TRPC1: variants seen among roughly 807,000 people sequenced by gnomAD.
TRPC1 encodes transient receptor potential cation channel subfamily C member 1.
Under a neutral mutation model 88.2 loss-of-function variants are expected in TRPC1, and 42 were observed. That is an observed-to-expected ratio of 0.48 (90% CI 0.37 to 0.62). The LOEUF is 0.62. Ranked by LOEUF, TRPC1 falls within the 20% of genes least tolerant of loss-of-function variation. The pLI is 0.00. For missense variants in TRPC1, 699 were observed against 957.3 expected, an observed-to-expected ratio of 0.73 and a Z score of 3.56; for synonymous variants, 288 against 331.8, an observed-to-expected ratio of 0.87 and a Z score of 1.43.
chr3:142,801,718 T>C (rs1936624467), intron 9 of TRPC1, among the ~76,000 whole-genome samples: 1 of 151,630 alleles, frequency 6.6e-6, no homozygotes, highest in Non-Finnish European at 1.5e-5. Context: ...ATTTTAGGAA[T>C]TGGTTTAGAA....
At chr3:142,759,529 T>A (rs1935105605) in intron 4 of TRPC1, among the ~76,000 whole-genome samples, 1 of 152,214 alleles carries the variant, frequency 6.6e-6, no homozygotes, top group Admixed American at 6.5e-5. Context: ...GGTTGATTTT[T>A]TCTTGTAAAT....
intron 2 of TRPC1, among the ~76,000 whole-genome samples, chr3:142,737,109 G>A (rs188478703): frequency 1.3e-5 from 2 of 152,140 alleles, no homozygotes; most frequent in East Asian, 3.9e-4. Flanking sequence ...ACAGGCATGT[G>A]TGTAAGTCTT....
chr3:142,804,393 G>A (rs770168515), intron 11 of TRPC1, 43 bp from the exon 12 acceptor site: 11 of 1,530,038 alleles, frequency 7.2e-6, no homozygotes, highest in Non-Finnish European at 8.0e-6. Context: ...ATTTGTGTGT[G>A]TATTAATATT....
intron 9 of TRPC1, among the ~76,000 whole-genome samples, chr3:142,796,727 G>C (rs1936464837): frequency 6.6e-6 from 1 of 152,130 alleles, no homozygotes; most frequent in Non-Finnish European, 1.5e-5. Flanking sequence ...ACAAAGTTAA[G>C]TGTAATAAAA....
chr3:142,750,292 C>T (rs752922643), intron 4 of TRPC1, among the ~76,000 whole-genome samples: 7 of 152,084 alleles, frequency 4.6e-5, no homozygotes, highest in African/African-American at 7.2e-5. Flanking sequence ...GACATTTATT[C>T]GGCCAACAAA....
intron 12 of TRPC1, 100 bp downstream of exon 12, chr3:142,804,730 G>A: frequency 8.8e-7 from 1 of 1,137,418 alleles, no homozygotes; most frequent in Non-Finnish European, 1.2e-6. Flanking sequence ...TAAGGGCTGT[G>A]ACTGTCTGAC....
In TRPC1 at chr3:142,806,961, A is replaced by G. The variant is rs570616015; in HGVS notation, c.*726A>G. On this transcript the variant is annotated 3_prime_UTR_variant, in exon 13 of 13. Coordinates refer to ENST00000476941, the MANE Select transcript of TRPC1 (RefSeq NM_001251845.2). ...CACATTTAAATTTTTATAGAATTAT[A>G]TAGTTTTTGAAAAATACAGTCAGTA... 21 of 152,178 alleles carry G rather than the reference A, an allele frequency of 1.4e-4. No homozygotes were observed. The highest frequency in any genetic ancestry group is 2.6e-4 in the Non-Finnish European group (18 of 67,982). 9.4% of individuals were successfully genotyped at this position (152,178 alleles called of 1,614,324 possible).
chr3:142,764,078 GC>G (rs886271334), intron 4 of TRPC1, among the ~76,000 whole-genome samples: 5 of 119,208 alleles, frequency 4.2e-5, no homozygotes, highest in African/African-American at 2.1e-4. Flanking sequence ...GGAAACAAAG[GC>G]AAAAAAAAAT....
chr3:142,759,794 C>A (rs1340205918), intron 4 of TRPC1, among the ~76,000 whole-genome samples: 2 of 152,106 alleles, frequency 1.3e-5, no homozygotes, highest in Non-Finnish European at 2.9e-5. Flanking sequence ...CCTAGGTTTT[C>A]TTCTAGGGTT....
chr3:142,803,559 A>G (rs1037303416), intron 10 of TRPC1, among the ~76,000 whole-genome samples: 6 of 152,022 alleles, frequency 3.9e-5, no homozygotes, highest in African/African-American at 1.4e-4. Flanking sequence ...CAAATCATAT[A>G]GGCTGCCTTG....
At chr3:142,737,402 TA>T (rs147225612) in intron 2 of TRPC1, among the ~76,000 whole-genome samples, 15 of 146,490 alleles carry the variant, frequency 1.0e-4, no homozygotes, top group Admixed American at 2.7e-4. Context: ...ATGTTTGGAG[TA>T]AAAAAAAAAG....
Position 142,743,489 on chromosome 3 carries a change from C to A in TRPC1, c.332C>A (p.Ala111Glu). 3 of 1,499,372 alleles carry A rather than the reference C, an allele frequency of 2.0e-6. No homozygotes were observed. Among genetic ancestry groups the A allele is most frequent in the Non-Finnish European group, 2.7e-6 (3 of 1,132,000 alleles). 92.9% of individuals were successfully genotyped at this position (1,499,372 alleles called of 1,614,324 possible). The change falls in exon 3 of 13, where the codon GCA becomes GAA. Residue 111 changes from alanine to glutamate, a missense_variant. Ala to Glu is a moderately radical substitution (Grantham distance 107, BLOSUM62 -1). Transcript: ENST00000476941. ...QLLLDYGCQSADALLVAIDSE... is the reference protein window; with the variant it reads ...QLLLDYGCQSEDALLVAIDSE... ...TAACTTTTTTTTTTTTTGAAGTCTG[C>A]AGATGCACTTTTGGTGGCAATCGAC...
intron 9 of TRPC1, among the ~76,000 whole-genome samples, chr3:142,794,160 C>T (rs1289923885): frequency 6.6e-6 from 1 of 152,104 alleles, no homozygotes; most frequent in African/African-American, 2.4e-5. Flanking sequence ...CATAGAAACA[C>T]TGGCTTAAAC....
Position 142,784,724 on chromosome 3 carries a change from C to T in TRPC1, c.981C>T (p.Cys327=). The change falls in exon 7 of 13, where the codon TGC becomes TGT. Residue 327 remains cysteine (C), a synonymous_variant. Coordinates refer to ENST00000476941, the MANE Select transcript of TRPC1 (RefSeq NM_001251845.2). ...NQKEFVSQSN[C]QQFLNTVWFG... ...TTCAGTTTGTCTCCCAGTCTAACTG[C>T]CAGCAGTTCCTGAACACTGTTTGGT... 6.2e-7 allele frequency: 1 copy of T among 1,611,670 alleles called. No individual in the cohort carries two copies. The highest frequency in any genetic ancestry group is 8.5e-7 in the Non-Finnish European group (1 of 1,178,594).
chr3:142,743,313 C>T (rs1021907035), intron 2 of TRPC1, among the ~76,000 whole-genome samples, 172 bp from the exon 3 acceptor site: 1 of 152,038 alleles, frequency 6.6e-6, no homozygotes, highest in Non-Finnish European at 1.5e-5. Flanking sequence ...CACAGAAGTA[C>T]TCCTAAGGCA....
At chr3:142,805,102 GAACA>G (rs549588783) in intron 12 of TRPC1, among the ~76,000 whole-genome samples, 15,589 of 144,634 alleles carry the variant, frequency 0.11, 981 homozygotes, top group Non-Finnish European at 0.15. Flanking sequence ...CTCCACCTCA[GAACA>G]AACAAACAAA....
At chr3:142,780,085 G>A (rs1199907662) in intron 5 of TRPC1, among the ~76,000 whole-genome samples, 1 of 151,984 alleles carries the variant, frequency 6.6e-6, no homozygotes, top group Non-Finnish European at 1.5e-5. Context: ...CTGACCTCAG[G>A]TGATCACCCG....
At chr3:142,729,344 A>G (rs1933805672) in intron 1 of TRPC1, among the ~76,000 whole-genome samples, 1 of 152,246 alleles carries the variant, frequency 6.6e-6, no homozygotes, top group Non-Finnish European at 1.5e-5. Flanking sequence ...TGCTTTATCA[A>G]GAAAGTACTG....
chr3:142,790,479 T>C (rs1171885693), intron 7 of TRPC1, among the ~76,000 whole-genome samples: 1 of 152,162 alleles, frequency 6.6e-6, no homozygotes, highest in Non-Finnish European at 1.5e-5. Flanking sequence ...TTTACTTAAA[T>C]TTGTAGAAGT....
Sources: gnomAD v4.1 joint callset for allele counts (sites outside exome capture counted in the v4.1 genomes callset) on GRCh38, gnomAD v4.1.1 for gene constraint, MANE v1.5 for transcripts, NCBI Gene and HGNC (gene_info 2026-07-23, HGNC 2026-07-21) for gene names.